Variants in AMOTL1 observed in about 807,000 individuals in gnomAD.
AMOTL1 encodes the protein angiomotin-like protein 1.
In AMOTL1, 45 loss-of-function variants were observed where a neutral mutation model predicts 102.9. The observed-to-expected ratio is 0.44, with a 90% CI of 0.34 to 0.56. The LOEUF (loss-of-function observed/expected upper bound fraction) is 0.56. Ranked by LOEUF, AMOTL1 falls within the 20% of genes least tolerant of loss-of-function variation. The pLI is 0.01. For synonymous variants in AMOTL1, 481 were observed against 484.7 expected, an observed-to-expected ratio of 0.99 and a Z score of 0.10; for missense variants, 1,114 against 1,225.6, an observed-to-expected ratio of 0.91 and a Z score of 1.36.
chr11:94,707,511 T>C (rs2135422859), intron 1 of AMOTL1, among the ~76,000 whole-genome samples: 1 of 152,286 alleles, frequency 6.6e-6, no homozygotes, highest in South Asian at 2.1e-4. Context: ...GAGCCCTTTA[T>C]TTCTTGGCAC....
chr11:94,749,106 G>A (rs1258030678), intron 3 of AMOTL1, among the ~76,000 whole-genome samples: 1 of 152,204 alleles, frequency 6.6e-6, no homozygotes, highest in Admixed American at 6.5e-5. Flanking sequence ...CCCGTGACAG[G>A]CTGTCTGCAA....
intron 8 of AMOTL1, among the ~76,000 whole-genome samples, chr11:94,857,409 G>T (rs1001962957): frequency 6.6e-6 from 1 of 152,180 alleles, no homozygotes; most frequent in Non-Finnish European, 1.5e-5. Flanking sequence ...CTTATTGAAG[G>T]GGGGTGGAGA....
At position 94,748,165 on chromosome 11, in the gene AMOTL1, A is replaced by G. The variant is rs140788267; in HGVS notation, c.136+7177A>G. ...CAAAGGCCAAAATGACAGTTACTTA[A>G]ACAATATGTAAGTTTATTTCTTTTT... On this transcript the variant is annotated intron_variant, in intron 3 of 4. Coordinates refer to the AMOTL1 transcript ENST00000299004. Among the ~76,000 whole-genome samples the G allele has an allele frequency of 4.0e-3, 616 of 152,324 alleles. 13 individuals carry two copies. The highest frequency in any genetic ancestry group is 0.034 in the South Asian group (166 of 4,818).
In AMOTL1 at chr11:94,823,801, C is replaced by T. The variant is rs545123177; in HGVS notation, c.1413+1980C>T. 1.1e-4 allele frequency among the ~76,000 whole-genome samples: 16 copies of T among 151,718 alleles called. No individual in the cohort carries two copies. In the South Asian group the frequency reaches 1.5e-3, roughly 14 times the overall value. The stretch of plus-strand genomic sequence containing the variant: ...CGCGATCTCGGCTCACTGCAATCTC[C>T]GCTTCCCAGGTTCAAGCGATTCTCC... On this transcript the variant is annotated intron_variant, in intron 4 of 12. Coordinates refer to ENST00000433060, the MANE Select transcript of AMOTL1 (RefSeq NM_130847.3).
intron 3 of AMOTL1, among the ~76,000 whole-genome samples, chr11:94,821,105 G>A (rs1951856867): frequency 1.3e-5 from 2 of 152,138 alleles, no homozygotes; most frequent in Admixed American, 1.3e-4. Context: ...ACTGGTTCTT[G>A]TCTGTCAGTG....
At chr11:94,859,778 C>G in intron 9 of AMOTL1, 63 bp downstream of exon 9, 1 of 1,492,096 alleles carries the variant, frequency 6.7e-7, no homozygotes, top group Middle Eastern at 1.8e-4. Flanking sequence ...ACAAAACAAA[C>G]AGGCTATCCA....
At chr11:94,866,228 C>T in intron 11 of AMOTL1, 60 bp downstream of exon 11, 2 of 1,515,532 alleles carry the variant, frequency 1.3e-6, no homozygotes, top group East Asian at 2.3e-5. Context: ...AGCTTCTCTG[C>T]CACTCATGGG....
At chr11:94,708,230 G>T (rs11020917) in intron 1 of AMOTL1, among the ~76,000 whole-genome samples, 13,145 of 152,140 alleles carry the variant, frequency 0.086, 681 homozygotes, top group East Asian at 0.22. Flanking sequence ...AGCTTTCTAA[G>T]GACATTTTTA....
intron 3 of AMOTL1, among the ~76,000 whole-genome samples, chr11:94,802,598 T>A (rs1343646595): frequency 6.6e-6 from 1 of 152,178 alleles, no homozygotes; most frequent in Non-Finnish European, 1.5e-5. Context: ...AAGAAATGTG[T>A]GAGGGATTTG....
intron 1 of AMOTL1, among the ~76,000 whole-genome samples, chr11:94,725,948 G>A (rs896983842): frequency 6.6e-6 from 1 of 152,152 alleles, no homozygotes; most frequent in African/African-American, 2.4e-5. Flanking sequence ...TGGAGAATGG[G>A]TTGGAGGAAA....
chr11:94,816,485 G>A (rs1408750250), intron 3 of AMOTL1, among the ~76,000 whole-genome samples: 2 of 152,152 alleles, frequency 1.3e-5, no homozygotes, highest in African/African-American at 4.8e-5. Flanking sequence ...AATAGCAGTG[G>A]CACTGCAGAA....
At chr11:94,851,750 T>C (rs761586210) in intron 7 of AMOTL1, among the ~76,000 whole-genome samples, 6 of 152,224 alleles carry the variant, frequency 3.9e-5, no homozygotes, top group African/African-American at 1.4e-4. Flanking sequence ...AGATACTACA[T>C]ATAAAGCACA....
chr11:94,864,893 C>G, intron 10 of AMOTL1, 33 bp downstream of exon 10: 1 of 1,601,032 alleles, frequency 6.2e-7, no homozygotes, highest in South Asian at 1.1e-5. Flanking sequence ...GTGTGGGGCC[C>G]GCTGCATTCA....
intron 3 of AMOTL1, among the ~76,000 whole-genome samples, chr11:94,748,634 C>T (rs776867325): frequency 2.6e-5 from 4 of 152,176 alleles, no homozygotes; most frequent in Non-Finnish European, 5.9e-5. Flanking sequence ...TGCTTTATGA[C>T]CATAGACAAG....
At chr11:94,852,846 T>A (rs1952572982) in intron 7 of AMOTL1, among the ~76,000 whole-genome samples, 1 of 152,208 alleles carries the variant, frequency 6.6e-6, no homozygotes, top group East Asian at 1.9e-4. Context: ...CACACATACA[T>A]AAATGGGTAC....
At chr11:94,740,832 G>C (rs1183435647) in intron 2 of AMOTL1, 3 of 931,812 alleles carry the variant, frequency 3.2e-6, no homozygotes, top group South Asian at 2.7e-5. Flanking sequence ...CGCTGGGAGA[G>C]AGAAGCCCGC....
chr11:94,721,105 T>A (rs1950168603), intron 1 of AMOTL1, among the ~76,000 whole-genome samples: 2 of 152,028 alleles, frequency 1.3e-5, no homozygotes, highest in African/African-American at 4.8e-5. Flanking sequence ...TTTTAAAAGA[T>A]CTTAAGAGCC....
chr11:94,815,615 A>G (rs975514510), intron 3 of AMOTL1, among the ~76,000 whole-genome samples: 3 of 152,104 alleles, frequency 2.0e-5, no homozygotes, highest in East Asian at 1.9e-4. Context: ...ATGTTTTTCT[A>G]TAAAAGAAAT....
chr11:94,848,175 T>C (rs1952457392), intron 6 of AMOTL1, among the ~76,000 whole-genome samples: 1 of 152,196 alleles, frequency 6.6e-6, no homozygotes, highest in Non-Finnish European at 1.5e-5. Context: ...CCTTCAGGGC[T>C]GTGGATGGGG....
Sources: gnomAD v4.1 joint callset for allele counts (sites outside exome capture counted in the v4.1 genomes callset) on GRCh38, gnomAD v4.1.1 for gene constraint, MANE v1.5 for transcripts, NCBI Gene and HGNC (gene_info 2026-07-23, HGNC 2026-07-21) for gene names.